Variants in CADM1 observed in about 807,000 individuals in gnomAD.
CADM1 encodes cell adhesion molecule 1, also known as TSLC-1.
A neutral mutation model predicts 53.1 loss-of-function variants in CADM1; 15 were observed. That is an observed-to-expected ratio of 0.28 (90% CI 0.19 to 0.44). CADM1 has a LOEUF of 0.44. CADM1 is among the 20% of genes least tolerant of loss of function. CADM1 has a pLI of 1.00. For synonymous variants in CADM1, 281 were observed against 243.0 expected, an observed-to-expected ratio of 1.16 and a Z score of -1.45; for missense variants, 434 against 611.3, an observed-to-expected ratio of 0.71 and a Z score of 3.06.
At chr11:115,293,080 G>A (rs1264515340) in intron 1 of CADM1, among the ~76,000 whole-genome samples, 4 of 152,086 alleles carry the variant, frequency 2.6e-5, no homozygotes, top group Admixed American at 2.6e-4. Flanking sequence ...GTGAAGAAAC[G>A]ACATTAAAAG....
At position 115,175,915 on chromosome 11, in the gene CADM1, A is replaced by T; in HGVS notation, c.*559T>A. The T allele has an allele frequency of 7.0e-6, 7 of 1,004,356 alleles. No homozygotes were observed. The highest frequency in any genetic ancestry group is 8.3e-6 in the Non-Finnish European group (7 of 841,136). 62.2% of individuals were successfully genotyped at this position (1,004,356 alleles called of 1,614,324 possible). On this transcript the variant is annotated 3_prime_UTR_variant, in exon 12 of 12. Transcript: ENST00000331581. ...CAACAGAGAAGAATGCATTATGGAT[A>T]CACTAAATTCTGAACTATGAAATCT... is the stretch of plus-strand genomic sequence containing the variant.
intron 1 of CADM1, among the ~76,000 whole-genome samples, chr11:115,408,013 G>C (rs1480758576): frequency 6.6e-6 from 1 of 151,042 alleles, no homozygotes; most frequent in Non-Finnish European, 1.5e-5. Context: ...TGCTCTAAAA[G>C]GGCTGGGTGT....
At chr11:115,247,954 G>A (rs540541950) in intron 1 of CADM1, among the ~76,000 whole-genome samples, 1 of 152,176 alleles carries the variant, frequency 6.6e-6, no homozygotes, top group Non-Finnish European at 1.5e-5. Flanking sequence ...TTATTGGAAA[G>A]AATTATGTAA....
intron 1 of CADM1, among the ~76,000 whole-genome samples, chr11:115,298,787 G>A (rs1396781570): frequency 3.9e-5 from 6 of 152,128 alleles, no homozygotes; most frequent in Admixed American, 3.3e-4. Flanking sequence ...TCACTGTCAC[G>A]TGGTATTTAC....
chr11:115,321,199 T>C (rs80083983), intron 1 of CADM1, among the ~76,000 whole-genome samples: 2,506 of 152,310 alleles, frequency 0.016, 67 homozygotes, highest in Admixed American at 0.062. Flanking sequence ...AGGCAGTCTA[T>C]CCCTTAACAA....
At chr11:115,305,286 C>T (rs1315829829) in intron 1 of CADM1, among the ~76,000 whole-genome samples, 1 of 151,998 alleles carries the variant, frequency 6.6e-6, no homozygotes, top group Non-Finnish European at 1.5e-5. Flanking sequence ...TGCCTACGGG[C>T]GCCTTCCAGC....
chr11:115,401,589 C>A (rs1947157455), intron 1 of CADM1, among the ~76,000 whole-genome samples: 1 of 151,778 alleles, frequency 6.6e-6, no homozygotes, highest in Non-Finnish European at 1.5e-5. Flanking sequence ...GCCTAGGTGA[C>A]AGAGCAAGAT....
At chr11:115,339,466 C>A (rs1409063185) in intron 1 of CADM1, among the ~76,000 whole-genome samples, 2 of 152,106 alleles carry the variant, frequency 1.3e-5, no homozygotes, top group African/African-American at 4.8e-5. Context: ...ATGATGAGTT[C>A]ATGTCCACCT....
chr11:115,237,930 C>T (rs1942067499), intron 3 of CADM1, among the ~76,000 whole-genome samples: 1 of 152,158 alleles, frequency 6.6e-6, no homozygotes, highest in South Asian at 2.1e-4. Context: ...AGTTAAAGTG[C>T]TCTTAACTCT....
intron 1 of CADM1, among the ~76,000 whole-genome samples, chr11:115,358,681 A>G (rs76741528): frequency 0.016 from 2,419 of 152,298 alleles, 54 homozygotes; most frequent in African/African-American, 0.049. Flanking sequence ...TTTGAGATTA[A>G]TGTATGTCAC....
At chr11:115,223,924 A>G (rs1941497108) in intron 5 of CADM1, among the ~76,000 whole-genome samples, 1 of 150,672 alleles carries the variant, frequency 6.6e-6, no homozygotes, top group Non-Finnish European at 1.5e-5. Context: ...AAAAAAAAAT[A>G]AAAGGGAGAG....
chr11:115,453,341 A>G (rs192616127), intron 1 of CADM1, among the ~76,000 whole-genome samples: 3 of 151,548 alleles, frequency 2.0e-5, no homozygotes, highest in African/African-American at 7.3e-5. Flanking sequence ...GTCCAGCTTG[A>G]GTGACAAGAG....
chr11:115,181,081 T>G (rs948489417), intron 10 of CADM1, among the ~76,000 whole-genome samples: 1 of 149,090 alleles, frequency 6.7e-6, no homozygotes, highest in Non-Finnish European at 1.5e-5. Context: ...CTAACCCATC[T>G]AGGGGAAGAC....
At chr11:115,476,346 A>G (rs1411486023) in intron 1 of CADM1, among the ~76,000 whole-genome samples, 1 of 152,236 alleles carries the variant, frequency 6.6e-6, no homozygotes, top group Non-Finnish European at 1.5e-5. Flanking sequence ...GATGACCAAG[A>G]CCAGATAATC....
intron 1 of CADM1, among the ~76,000 whole-genome samples, chr11:115,475,702 G>A (rs1486910093): frequency 1.3e-5 from 2 of 152,112 alleles, no homozygotes; most frequent in Admixed American, 6.6e-5. Flanking sequence ...ATGATTCCAC[G>A]TATATGACAT....
intron 1 of CADM1, among the ~76,000 whole-genome samples, chr11:115,412,978 CTCACTGCAATT>C (rs1565414556): frequency 1.3e-5 from 2 of 152,180 alleles, no homozygotes; most frequent in African/African-American, 4.8e-5. Context: ...AAGATAAATT[CTCACTGCAATT>C]TCACTGTATT....
At chr11:115,275,760 A>C (rs1045557921) in intron 1 of CADM1, among the ~76,000 whole-genome samples, 1 of 152,232 alleles carries the variant, frequency 6.6e-6, no homozygotes, top group Admixed American at 6.5e-5. Context: ...AGCCTTAATA[A>C]GGAGAAAAAT....
At chr11:115,227,860 G>T (rs1941669709) in intron 5 of CADM1, among the ~76,000 whole-genome samples, 1 of 152,134 alleles carries the variant, frequency 6.6e-6, no homozygotes, top group Admixed American at 6.6e-5. Flanking sequence ...CAAATAATAG[G>T]GCTTGTATGG....
intron 1 of CADM1, among the ~76,000 whole-genome samples, chr11:115,415,823 C>CAAAAAAAAAAAAAAAAAAAAAAAAA: frequency 2.3e-5 from 1 of 43,660 alleles, no homozygotes; most frequent in Non-Finnish European, 3.5e-5. Context: ...AGACTGTCTC[C>CAAAAAAAAAAAAAAAAAAAAAAAAA]AAAAAAAAAA....
Sources: gnomAD v4.1 joint callset for allele counts (sites outside exome capture counted in the v4.1 genomes callset) on GRCh38, gnomAD v4.1.1 for gene constraint, MANE v1.5 for transcripts, NCBI Gene and HGNC (gene_info 2026-07-23, HGNC 2026-07-21) for gene names.